CPNE8: variants seen among roughly 807,000 people sequenced by gnomAD.
The protein encoded by CPNE8 is copine 8.
In CPNE8, 45 loss-of-function variants were observed where a neutral mutation model predicts 81.5. The ratio of observed to expected loss-of-function variants is 0.55; its 90% CI spans 0.44 to 0.71. CPNE8 has a LOEUF of 0.71. CPNE8 is among the 30% of genes least tolerant of loss of function. The probability of loss-of-function intolerance (pLI) is 0.00; values close to 1 mark genes in which losing one functional copy is unlikely to be tolerated. For synonymous variants in CPNE8, 252 were observed against 226.3 expected, an observed-to-expected ratio of 1.11 and a Z score of -1.02; for missense variants, 594 against 672.1, an observed-to-expected ratio of 0.88 and a Z score of 1.28.
intron 6 of CPNE8, among the ~76,000 whole-genome samples, chr12:38,824,576 C>CA (rs5797596): frequency 0.37 from 53,167 of 141,828 alleles, 10,573 homozygotes; most frequent in Non-Finnish European, 0.48. Flanking sequence ...GGAAAGAAAG[C>CA]AAAAAAAAAA....
intron 3 of CPNE8, among the ~76,000 whole-genome samples, chr12:38,856,941 G>T (rs1426656829): frequency 6.6e-6 from 1 of 150,970 alleles, no homozygotes; most frequent in East Asian, 1.9e-4. Flanking sequence ...GTTTCTAACT[G>T]CACTATACTA....
chr12:38,663,955 T>A, intron 19 of CPNE8, among the ~76,000 whole-genome samples: 1 of 151,982 alleles, frequency 6.6e-6, no homozygotes, highest in Non-Finnish European at 1.5e-5. Flanking sequence ...AGAATAGTGG[T>A]TACTATAGGC....
intron 7 of CPNE8, among the ~76,000 whole-genome samples, chr12:38,770,576 C>T (rs770800265): frequency 5.3e-5 from 8 of 152,194 alleles, no homozygotes; most frequent in Non-Finnish European, 1.2e-4. Context: ...CTTTCCCTTG[C>T]ATTTAGGAAA....
At chr12:38,894,852 T>C (rs1944367179) in intron 1 of CPNE8, among the ~76,000 whole-genome samples, 1 of 152,052 alleles carries the variant, frequency 6.6e-6, no homozygotes, top group South Asian at 2.1e-4. Flanking sequence ...GGAGTACATT[T>C]AGATAAAAGA....
At chr12:38,661,953 A>G (rs58895802) in intron 19 of CPNE8, among the ~76,000 whole-genome samples, 7,157 of 152,178 alleles carry the variant, frequency 0.047, 397 homozygotes, top group East Asian at 0.32. Flanking sequence ...GATAAAATAC[A>G]ACATCCCTTC....
chr12:38,788,258 T>C (rs1942242403), intron 6 of CPNE8, among the ~76,000 whole-genome samples: 1 of 151,916 alleles, frequency 6.6e-6, no homozygotes, highest in Non-Finnish European at 1.5e-5. Context: ...AAGAAGATTA[T>C]TCATCATGAT....
intron 6 of CPNE8, among the ~76,000 whole-genome samples, chr12:38,799,531 G>C (rs1316974879): frequency 6.6e-6 from 1 of 151,906 alleles, no homozygotes; most frequent in Non-Finnish European, 1.5e-5. Flanking sequence ...AGAATCTCTG[G>C]GACGCATTCA....
intron 3 of CPNE8, among the ~76,000 whole-genome samples, chr12:38,855,548 G>A (rs969333417): frequency 6.6e-6 from 1 of 152,072 alleles, no homozygotes; most frequent in South Asian, 2.1e-4. Flanking sequence ...ACAGGACTGA[G>A]AGTCCAGAAA....
At chr12:38,772,851 C>G (rs1311750126) in intron 7 of CPNE8, among the ~76,000 whole-genome samples, 1 of 151,734 alleles carries the variant, frequency 6.6e-6, no homozygotes, top group Non-Finnish European at 1.5e-5. Flanking sequence ...ACAAATAAGT[C>G]AAGATATTGA....
chr12:38,887,450 C>G (rs1944253293), intron 1 of CPNE8, among the ~76,000 whole-genome samples: 2 of 152,246 alleles, frequency 1.3e-5, no homozygotes, highest in South Asian at 2.1e-4. Flanking sequence ...AAAGAGATAT[C>G]TGCTTGGCCT....
intron 5 of CPNE8, among the ~76,000 whole-genome samples, chr12:38,836,300 A>G (rs925636993): frequency 7.9e-5 from 12 of 152,180 alleles, no homozygotes; most frequent in African/African-American, 1.2e-4. Flanking sequence ...CTGGTGCACA[A>G]TGATTTTCAC....
intron 10 of CPNE8, among the ~76,000 whole-genome samples, chr12:38,745,441 T>C (rs1941205673): frequency 6.6e-6 from 1 of 152,230 alleles, no homozygotes; most frequent in South Asian, 2.1e-4. Context: ...CTTCAATCCA[T>C]GGGCTGGATA....
intron 14 of CPNE8, among the ~76,000 whole-genome samples, chr12:38,697,296 C>G (rs1020218643): frequency 6.6e-6 from 1 of 152,146 alleles, no homozygotes; most frequent in Non-Finnish European, 1.5e-5. Flanking sequence ...TAGCTGCTTT[C>G]ACTTAGCTTA....
At chr12:38,748,308 A>T (rs1420752291) in intron 10 of CPNE8, among the ~76,000 whole-genome samples, 1 of 151,998 alleles carries the variant, frequency 6.6e-6, no homozygotes, top group Non-Finnish European at 1.5e-5. Context: ...ACCCCATCCG[A>T]ACGCAATACT....
chr12:38,773,237 T>C (rs998634320), intron 7 of CPNE8, among the ~76,000 whole-genome samples: 3 of 152,134 alleles, frequency 2.0e-5, no homozygotes, highest in African/African-American at 7.2e-5. Flanking sequence ...AGATCTACTA[T>C]ATACAGTATA....
chr12:38,658,238 A>G (rs1166836879), intron 19 of CPNE8, among the ~76,000 whole-genome samples: 1 of 152,176 alleles, frequency 6.6e-6, no homozygotes, highest in African/African-American at 2.4e-5. Flanking sequence ...ATGGCATGAG[A>G]ACTACGTGAT....
intron 10 of CPNE8, among the ~76,000 whole-genome samples, chr12:38,744,854 A>G (rs1247256590): frequency 2.0e-5 from 3 of 152,244 alleles, no homozygotes; most frequent in African/African-American, 7.2e-5. Context: ...GATGGCATTC[A>G]TAACAGTGAT....
At chr12:38,829,639 C>A (rs1039265557) in intron 5 of CPNE8, among the ~76,000 whole-genome samples, 184 bp from the exon 6 acceptor site, 3 of 152,186 alleles carry the variant, frequency 2.0e-5, no homozygotes, top group Non-Finnish European at 4.4e-5. Context: ...GTTTGCACAG[C>A]ATTTTGTGTT....
At chr12:38,846,131 T>C (rs1312374795) in intron 4 of CPNE8, among the ~76,000 whole-genome samples, 1 of 152,130 alleles carries the variant, frequency 6.6e-6, no homozygotes, top group Non-Finnish European at 1.5e-5. Flanking sequence ...AGACAAGTTT[T>C]GAGTATCAGG....
Sources: allele counts gnomAD v4.1 joint callset (sites outside exome capture counted in the v4.1 genomes callset), GRCh38; gene constraint gnomAD v4.1.1; transcripts MANE v1.5; gene names NCBI Gene and HGNC (gene_info 2026-07-23, HGNC 2026-07-21).